PPARGC1A: variants seen among roughly 807,000 people sequenced by gnomAD.
The protein encoded by PPARGC1A is PPARG coactivator 1 alpha.
PPARGC1A carries 25 observed loss-of-function variants against 88.7 expected under a neutral mutation model. The ratio of observed to expected loss-of-function variants is 0.28; its 90% CI spans 0.21 to 0.39. The LOEUF is 0.39. Ranked by LOEUF, PPARGC1A falls within the 10% of genes least tolerant of loss-of-function variation. The pLI, the probability that PPARGC1A is intolerant of heterozygous loss-of-function variation, is 1.00. For synonymous variants in PPARGC1A, 363 were observed against 355.6 expected, an observed-to-expected ratio of 1.02 and a Z score of -0.24; for missense variants, 880 against 968.7, an observed-to-expected ratio of 0.91 and a Z score of 1.22.
chr4:24,149,916 A>G, the PPARGC1A span, among the ~76,000 whole-genome samples: 3 of 152,220 alleles, frequency 2.0e-5, no homozygotes, highest in Non-Finnish European at 2.9e-5. Context: ...GTTGAAATTC[A>G]TTGATCTGGA....
At chr4:23,874,496 C>T (rs1239494017) in intron 2 of PPARGC1A, among the ~76,000 whole-genome samples, 4 of 151,728 alleles carry the variant, frequency 2.6e-5, no homozygotes, top group African/African-American at 9.7e-5. Flanking sequence ...TGGGCCAAGA[C>T]ATTTGTCTAT....
the PPARGC1A span, among the ~76,000 whole-genome samples, chr4:24,024,542 G>C: frequency 6.6e-6 from 1 of 152,066 alleles, no homozygotes; most frequent in Non-Finnish European, 1.5e-5. Context: ...TTGTCATATT[G>C]CTGCCCATAC....
the PPARGC1A span, among the ~76,000 whole-genome samples, chr4:24,269,303 A>C: frequency 6.6e-6 from 1 of 152,116 alleles, no homozygotes; most frequent in Admixed American, 6.6e-5. Flanking sequence ...AGACAAGAAT[A>C]TTTGAGAGTG....
the PPARGC1A span, among the ~76,000 whole-genome samples, chr4:24,457,312 G>T: frequency 1.3e-5 from 2 of 152,070 alleles, no homozygotes; most frequent in Non-Finnish European, 2.9e-5. Flanking sequence ...TTATGAGAAA[G>T]TCAAGTGAGA....
the PPARGC1A span, among the ~76,000 whole-genome samples, chr4:24,046,097 A>T: frequency 2.1e-3 from 322 of 152,322 alleles, 1 homozygote; most frequent in African/African-American, 7.5e-3. Flanking sequence ...TGTACCCTGA[A>T]CATCCTAAAA....
At chr4:24,426,303 AT>A in the PPARGC1A span, among the ~76,000 whole-genome samples, 1 of 152,210 alleles carries the variant, frequency 6.6e-6, no homozygotes, top group Non-Finnish European at 1.5e-5. Context: ...TTAGTCCCTA[AT>A]TTAAAGGGGA....
At chr4:24,426,106 C>G in the PPARGC1A span, among the ~76,000 whole-genome samples, 24 of 152,270 alleles carry the variant, frequency 1.6e-4, 1 homozygote, top group East Asian at 4.2e-3. Context: ...GGAGGGAACA[C>G]TTGCAATCAG....
chr4:24,206,580 C>T, the PPARGC1A span, among the ~76,000 whole-genome samples: 1 of 151,980 alleles, frequency 6.6e-6, no homozygotes, highest in African/African-American at 2.4e-5. Flanking sequence ...GCCCATAATC[C>T]CAGCACTTTG....
chr4:24,361,487 T>C, the PPARGC1A span, among the ~76,000 whole-genome samples: 5 of 152,214 alleles, frequency 3.3e-5, no homozygotes, highest in African/African-American at 9.6e-5. Context: ...CTCTCTATCC[T>C]TCTGTTTGAC....
At chr4:24,333,356 T>C in the PPARGC1A span, among the ~76,000 whole-genome samples, 1 of 147,170 alleles carries the variant, frequency 6.8e-6, no homozygotes, top group Non-Finnish European at 1.5e-5. Context: ...TTAATCAATG[T>C]AATATATTTT....
chr4:23,850,650 C>A (rs1016883067), intron 2 of PPARGC1A, among the ~76,000 whole-genome samples: 2 of 152,098 alleles, frequency 1.3e-5, no homozygotes, highest in Admixed American at 6.6e-5. Context: ...GTGACAATAG[C>A]GGTCATTGAT....
chr4:24,086,253 C>T, the PPARGC1A span, among the ~76,000 whole-genome samples: 4 of 152,148 alleles, frequency 2.6e-5, no homozygotes, highest in East Asian at 7.7e-4. Context: ...GGCACTGATA[C>T]CCACTTATAT....
the PPARGC1A span, among the ~76,000 whole-genome samples, chr4:24,057,518 A>G: frequency 6.6e-6 from 1 of 151,984 alleles, no homozygotes; most frequent in African/African-American, 2.4e-5. Flanking sequence ...AATGACATAA[A>G]TCAAAATGAA....
the PPARGC1A span, among the ~76,000 whole-genome samples, chr4:24,018,455 G>C: frequency 6.6e-6 from 1 of 152,132 alleles, no homozygotes; most frequent in African/African-American, 2.4e-5. Flanking sequence ...TTAATTCAGA[G>C]GGTAGATGGG....
chr4:24,318,620 A>AT, the PPARGC1A span, among the ~76,000 whole-genome samples: 2 of 152,226 alleles, frequency 1.3e-5, no homozygotes, highest in South Asian at 2.1e-4. Context: ...CATATGCAGC[A>AT]TTTTTTTAAG....
the PPARGC1A span, among the ~76,000 whole-genome samples, chr4:24,145,128 T>C: frequency 2.6e-5 from 4 of 151,584 alleles, no homozygotes; most frequent in Admixed American, 1.3e-4. Flanking sequence ...CATATGCATA[T>C]ATATGCATGC....
the PPARGC1A span, among the ~76,000 whole-genome samples, chr4:24,247,783 A>G: frequency 3.3e-5 from 5 of 152,174 alleles, no homozygotes; most frequent in South Asian, 2.1e-4. Flanking sequence ...TTCACCTACC[A>G]TAGAGTTCTA....
the PPARGC1A span, among the ~76,000 whole-genome samples, chr4:24,178,595 T>C: frequency 6.6e-6 from 1 of 152,228 alleles, no homozygotes; most frequent in Non-Finnish European, 1.5e-5. Flanking sequence ...GAATACTTAT[T>C]GAAAGAGACT....
the PPARGC1A span, among the ~76,000 whole-genome samples, chr4:24,370,272 T>G: frequency 2.0e-5 from 3 of 152,176 alleles, no homozygotes; most frequent in Non-Finnish European, 4.4e-5. Context: ...TTAAGCCACA[T>G]GAAACTACTA....
Sources: allele counts gnomAD v4.1 joint callset (sites outside exome capture counted in the v4.1 genomes callset), GRCh38; gene constraint gnomAD v4.1.1; transcripts MANE v1.5; gene names NCBI Gene and HGNC (gene_info 2026-07-23, HGNC 2026-07-21).